The following KAZN variants were observed in gnomAD, a reference collection of about 807,000 sequenced individuals.
The protein encoded by KAZN is kazrin, periplakin interacting protein, also known as kazrin.
Under a neutral mutation model 87.4 loss-of-function variants are expected in KAZN, and 40 were observed. The observed-to-expected ratio is 0.46, with a 90% CI of 0.36 to 0.60. KAZN has a LOEUF of 0.60. Among genes scored for constraint, KAZN ranks in the 20% least tolerant of loss-of-function variants. The pLI is 0.00. For missense variants in KAZN, 898 were observed against 1,073.9 expected, an observed-to-expected ratio of 0.84 and a Z score of 2.29; for synonymous variants, 466 against 458.3, an observed-to-expected ratio of 1.02 and a Z score of -0.22.
At chr1:14,383,668 G>C (rs949603483) in intron 2 of KAZN, among the ~76,000 whole-genome samples, 2 of 152,058 alleles carry the variant, frequency 1.3e-5, no homozygotes, top group Non-Finnish European at 2.9e-5. Flanking sequence ...CTGTTCCATT[G>C]ATCTCTCTCT....
chr1:15,082,198 C>T (rs1246575026), intron 8 of KAZN, among the ~76,000 whole-genome samples: 1 of 152,200 alleles, frequency 6.6e-6, no homozygotes, highest in East Asian at 1.9e-4. Context: ...CCCTATGGGG[C>T]AGCAACAGGC....
intron 1 of KAZN, among the ~76,000 whole-genome samples, chr1:14,804,007 C>T (rs79363155): frequency 0.058 from 8,835 of 152,326 alleles, 350 homozygotes; most frequent in Admixed American, 0.11. Context: ...GTCCTTTTCC[C>T]TCTTCTCAGC....
chr1:13,923,564 C>G (rs1325226796), intron 1 of KAZN, among the ~76,000 whole-genome samples: 2 of 122,538 alleles, frequency 1.6e-5, no homozygotes, highest in Admixed American at 9.0e-5. Context: ...CAGAGCGAGA[C>G]TCCATCTCAA....
At chr1:14,044,076 A>G (rs577825950) in intron 1 of KAZN, among the ~76,000 whole-genome samples, 1 of 152,086 alleles carries the variant, frequency 6.6e-6, no homozygotes, top group African/African-American at 2.4e-5. Flanking sequence ...GGCTTCTTCA[A>G]TCATGTTTGC....
intron 2 of KAZN, among the ~76,000 whole-genome samples, chr1:14,375,843 A>T (rs1660865482): frequency 6.6e-6 from 1 of 151,972 alleles, no homozygotes; most frequent in South Asian, 2.1e-4. Flanking sequence ...AGCGGAGATC[A>T]CGCCACTGCA....
At chr1:14,355,620 C>T (rs543451933) in intron 2 of KAZN, among the ~76,000 whole-genome samples, 64 of 152,172 alleles carry the variant, frequency 4.2e-4, no homozygotes, top group African/African-American at 1.5e-3. Context: ...GTGATGTTTC[C>T]CTCCCTGCGT....
At chr1:15,111,264 G>GTTT (rs1557807990) in intron 13 of KAZN, among the ~76,000 whole-genome samples, 11 of 15,830 alleles carry the variant, frequency 6.9e-4, no homozygotes, top group Non-Finnish European at 9.1e-4. Context: ...AGGTTCTGTT[G>GTTT]TTGTTGTTTG....
intron 1 of KAZN, among the ~76,000 whole-genome samples, chr1:14,055,454 G>A (rs543155904): frequency 6.6e-6 from 1 of 152,296 alleles, no homozygotes; most frequent in Admixed American, 6.5e-5. Flanking sequence ...TGTTGATTGG[G>A]TCTGTGAAGT....
chr1:14,883,318 A>AAGAAAGAGAGAGAGAGAG (rs1266778797), intron 1 of KAZN, among the ~76,000 whole-genome samples: 1 of 38,548 alleles, frequency 2.6e-5, no homozygotes, highest in African/African-American at 7.7e-5. Context: ...GAAAGAAAGA[A>AAGAAAGAGAGAGAGAGAG]AGAGAGAGAG....
intron 1 of KAZN, among the ~76,000 whole-genome samples, chr1:14,625,876 A>T (rs752931052): frequency 7.2e-5 from 11 of 152,206 alleles, no homozygotes; most frequent in Non-Finnish European, 1.5e-4. Flanking sequence ...AAAGAAACCT[A>T]GTCCTTTTTA....
At chr1:14,743,616 T>C (rs940863311) in intron 1 of KAZN, among the ~76,000 whole-genome samples, 3 of 152,094 alleles carry the variant, frequency 2.0e-5, no homozygotes, top group Non-Finnish European at 4.4e-5. Flanking sequence ...TCGCTGGCAT[T>C]TGGGAGACCC....
At chr1:14,557,663 TGTG>T (rs1436428639) in intron 2 of KAZN, among the ~76,000 whole-genome samples, 1,913 of 135,472 alleles carry the variant, frequency 0.014, 35 homozygotes, top group African/African-American at 0.048. Flanking sequence ...TGTGTGTGTG[TGTG>T]GTGTGTGAGA....
intron 1 of KAZN, among the ~76,000 whole-genome samples, chr1:14,108,022 A>G (rs781064283): frequency 3.9e-5 from 6 of 152,028 alleles, no homozygotes; most frequent in Non-Finnish European, 1.5e-5. Context: ...GAATCTATCT[A>G]TCCTTGAACA....
intron 2 of KAZN, among the ~76,000 whole-genome samples, chr1:14,967,555 A>C (rs191052200): frequency 2.6e-5 from 4 of 152,340 alleles, no homozygotes; most frequent in Admixed American, 2.6e-4. Context: ...TGCCAATCGG[A>C]TATCCCTGGG....
chr1:14,912,358 A>G (rs866197121), intron 1 of KAZN, among the ~76,000 whole-genome samples: 4 of 152,144 alleles, frequency 2.6e-5, no homozygotes, highest in Non-Finnish European at 5.9e-5. Flanking sequence ...TGGAGCAGCC[A>G]GGGAGGTCAC....
intron 1 of KAZN, among the ~76,000 whole-genome samples, chr1:14,726,817 G>T (rs1643406283): frequency 6.6e-6 from 1 of 152,148 alleles, no homozygotes; most frequent in Non-Finnish European, 1.5e-5. Flanking sequence ...AGAAACTCTG[G>T]GAATCTGTAT....
chr1:14,733,180 G>T (rs1033424509), intron 1 of KAZN, among the ~76,000 whole-genome samples: 1 of 152,074 alleles, frequency 6.6e-6, no homozygotes, highest in Admixed American at 6.5e-5. Context: ...GGGACTTTCC[G>T]CCCACTGCCC....
intron 2 of KAZN, among the ~76,000 whole-genome samples, chr1:14,586,386 C>G (rs1477560331): frequency 6.6e-6 from 1 of 152,182 alleles, no homozygotes; most frequent in Non-Finnish European, 1.5e-5. Context: ...CTTAAACAAA[C>G]AGAAACAAAT....
At chr1:14,096,622 T>G (rs1168917845) in intron 1 of KAZN, among the ~76,000 whole-genome samples, 5 of 152,236 alleles carry the variant, frequency 3.3e-5, no homozygotes, top group African/African-American at 1.2e-4. Context: ...CAGGCACTGT[T>G]GGAATTCTTT....
Sources: allele counts gnomAD v4.1 joint callset (sites outside exome capture counted in the v4.1 genomes callset), GRCh38; gene constraint gnomAD v4.1.1; transcripts MANE v1.5; gene names NCBI Gene and HGNC (gene_info 2026-07-23, HGNC 2026-07-21).